PSMB1: variants seen among roughly 807,000 people sequenced by gnomAD.
PSMB1 encodes proteasome subunit beta type-1.
PSMB1 carries 7 observed loss-of-function variants against 25.4 expected under a neutral mutation model. The observed-to-expected ratio is 0.28, with a 90% confidence interval of 0.16 to 0.52. The LOEUF is 0.52. PSMB1 is among the 20% of genes least tolerant of loss of function. The pLI is 0.97. For synonymous variants in PSMB1, 119 were observed against 115.0 expected, an observed-to-expected ratio of 1.03 and a Z score of -0.22; for missense variants, 284 against 302.2, an observed-to-expected ratio of 0.94 and a Z score of 0.45.
At chr6:170,536,500 T>C in intron 5 of PSMB1, 2 of 456,508 alleles carry the variant, frequency 4.4e-6, no homozygotes, top group Non-Finnish European at 8.8e-6. Context: ...TTGCTTGATA[T>C]GTACTGTAGA....
At chr6:170,543,285 GAATC>G (rs1429071416) in intron 4 of PSMB1, among the ~76,000 whole-genome samples, 5 of 152,050 alleles carry the variant, frequency 3.3e-5, no homozygotes, top group African/African-American at 1.2e-4. Flanking sequence ...TCAATACTCA[GAATC>G]ACATTTAGGT....
intron 2 of PSMB1, among the ~76,000 whole-genome samples, chr6:170,547,325 A>G (rs1398918656): frequency 6.6e-6 from 1 of 152,202 alleles, no homozygotes; most frequent in Admixed American, 6.5e-5. Context: ...ACAAAACAAA[A>G]CCTAAATGTC....
intron 2 of PSMB1, among the ~76,000 whole-genome samples, 166 bp downstream of exon 2, chr6:170,548,840 C>A (rs1778856169): frequency 6.6e-6 from 1 of 152,148 alleles, no homozygotes; most frequent in Non-Finnish European, 1.5e-5. Flanking sequence ...ATTAAGACTG[C>A]ACATTAAATT....
At chr6:170,552,558 A>G (rs1358484881) in intron 1 of PSMB1, among the ~76,000 whole-genome samples, 1 of 152,216 alleles carries the variant, frequency 6.6e-6, no homozygotes, top group Non-Finnish European at 1.5e-5. Flanking sequence ...AAGTTTGCTC[A>G]GCCAATCCCA....
intron 1 of PSMB1, 95 bp downstream of exon 1, chr6:170,553,035 C>A: frequency 4.4e-6 from 5 of 1,124,662 alleles, no homozygotes; most frequent in Non-Finnish European, 6.4e-6. Flanking sequence ...CCTGCAGGAG[C>A]CCGGGGCAGC....
At chr6:170,548,176 G>A (rs934966652) in intron 2 of PSMB1, among the ~76,000 whole-genome samples, 10 of 152,160 alleles carry the variant, frequency 6.6e-5, no homozygotes, top group African/African-American at 1.9e-4. Flanking sequence ...CCATCCCTAG[G>A]AGCAGGAAAG....
chr6:170,535,313 A>T lies in PSMB1; in HGVS notation c.633T>A (p.Ala211=), dbSNP rs1194359935. Residue 211 remains alanine (A), a synonymous_variant, in exon 6 of 6, where the codon GCT becomes GCA. Transcript: ENST00000262193. ...CGTCCCCAGTGTACACATCTCTCTC[A>T]GCCGCAGAAATGAAGACATCTTTCA... is the stretch of plus-strand genomic sequence containing the variant. ...RLVKDVFISA[A]ERDVYTGDAL... 2.5e-6 allele frequency: 4 copies of T among 1,614,012 alleles called. No homozygotes were observed.
At chr6:170,549,873 C>T (rs1371197450) in intron 1 of PSMB1, 3 of 152,220 alleles carry the variant, frequency 2.0e-5, no homozygotes. Context: ...AACTGGTCCT[C>T]TAGTAAGTGT....
intron 3 of PSMB1, among the ~76,000 whole-genome samples, chr6:170,545,836 G>C (rs1219244162): frequency 6.6e-6 from 1 of 152,022 alleles, no homozygotes; most frequent in Non-Finnish European, 1.5e-5. Context: ...TTCAGAAGAA[G>C]AACTCCTCCC....
chr6:170,544,908 G>C (rs961276136), intron 3 of PSMB1, among the ~76,000 whole-genome samples: 1 of 152,136 alleles, frequency 6.6e-6, no homozygotes, highest in African/African-American at 2.4e-5. Flanking sequence ...ACTTTGGGAG[G>C]CCGAGATGGG....
intron 2 of PSMB1, among the ~76,000 whole-genome samples, chr6:170,546,849 AT>A (rs773222197): frequency 3.9e-5 from 6 of 152,216 alleles, no homozygotes; most frequent in Non-Finnish European, 8.8e-5. Flanking sequence ...CTACAGGGAA[AT>A]TTAAGAATAG....
At position 170,549,213 on chromosome 6, in the gene PSMB1, T is replaced by C. The variant is rs942145164; in HGVS notation, c.114-100A>G. On this transcript the variant is annotated intron_variant, in intron 1 of 5. Transcript: ENST00000262193. ...ACATAATGGGATAAAATACTCTAGATGTCAACAAAAACATGATTCAAATGG... is the reference window on the plus strand; with the variant it reads ...ACATAATGGGATAAAATACTCTAGACGTCAACAAAAACATGATTCAAATGG... The C allele has an allele frequency of 4.6e-5, 26 of 571,208 alleles. No homozygotes were observed. In the Admixed American group the frequency reaches 6.0e-4, roughly 13 times the overall value. The allele number at this position is 571,208 out of a possible 1,614,324, so 35.4% of individuals were successfully genotyped here. A position where few individuals can be genotyped will look rare whatever the true frequency, so the allele number is the denominator to read the frequency against.
At chr6:170,540,018 G>A (rs962331094) in intron 4 of PSMB1, among the ~76,000 whole-genome samples, 1 of 152,216 alleles carries the variant, frequency 6.6e-6, no homozygotes, top group African/African-American at 2.4e-5. Flanking sequence ...AACTGCATGA[G>A]TGTATGTATA....
chr6:170,549,002 T>C lies in PSMB1; in HGVS notation c.221+4A>G. ...GTGAAATGTCTTTAGAAATATTTAC[T>C]TACAATTTGTAACATTTGGGGCTAT... On this transcript the variant is annotated splice_donor_region_variant and intron_variant, in intron 2 of 5. Transcript: ENST00000262193. 6.3e-7 allele frequency: 1 copy of C among 1,577,492 alleles called. No individual in the cohort carries two copies. Among genetic ancestry groups the C allele is most frequent in the Non-Finnish European group, 8.7e-7 (1 of 1,146,798 alleles).
intron 4 of PSMB1, among the ~76,000 whole-genome samples, chr6:170,542,954 T>C (rs996308641): frequency 6.6e-6 from 1 of 152,206 alleles, no homozygotes; most frequent in Non-Finnish European, 1.5e-5. Flanking sequence ...ACTGTACTTG[T>C]ATTTGATTTT....
At chr6:170,542,297 G>A (rs888384527) in intron 4 of PSMB1, among the ~76,000 whole-genome samples, 7 of 152,134 alleles carry the variant, frequency 4.6e-5, no homozygotes, top group Admixed American at 4.6e-4. Context: ...GAAAGCGATA[G>A]GAGTCAACAA....
At chr6:170,537,399 C>T (rs1186034969) in intron 4 of PSMB1, 59 bp from the exon 5 acceptor site, 3 of 1,376,472 alleles carry the variant, frequency 2.2e-6, no homozygotes, top group Non-Finnish European at 3.1e-6. Context: ...CAAATCATCG[C>T]AAAAATAAAT....
In PSMB1 at chr6:170,549,089, T is replaced by G. The variant is rs1462250496; in HGVS notation, c.138A>C (p.Glu46Asp). The part of the protein sequence containing the change: ...NGGTILAIAG[E>D]DFAIVASDTR... ...TATCAGAAGCAACAATTGCAAAATC[T>G]TCTCCAGCAATTGCCAGTATAGTAC... is the stretch of plus-strand genomic sequence containing the variant. The change falls in exon 2 of 6, where the codon GAA becomes GAC. Residue 46 changes from glutamate (E) to aspartate (D), a missense_variant. Glu to Asp is a conservative substitution (Grantham distance 45). Transcript: ENST00000262193. The G allele has an allele frequency of 1.7e-5, 27 of 1,613,190 alleles. No homozygotes were observed. The highest frequency in any genetic ancestry group is 2.3e-5 in the Non-Finnish European group (27 of 1,179,456).
chr6:170,535,482 C>T, intron 5 of PSMB1, 77 bp from the exon 6 acceptor site: 1 of 1,238,608 alleles, frequency 8.1e-7, no homozygotes, highest in South Asian at 1.4e-5. Context: ...CTTCCAATAC[C>T]CTCATGTGTA....
Sources: gnomAD v4.1 joint callset for allele counts (sites outside exome capture counted in the v4.1 genomes callset) on GRCh38, gnomAD v4.1.1 for gene constraint, MANE v1.5 for transcripts, NCBI Gene and HGNC (gene_info 2026-07-23, HGNC 2026-07-21) for gene names.